Variants in KEL observed in about 807,000 individuals in gnomAD.
KEL encodes kell blood group glycoprotein.
A neutral mutation model predicts 99.5 loss-of-function variants in KEL; 96 were observed. The observed-to-expected ratio is 0.97, with a 90% CI of 0.82 to 1.14. KEL has a LOEUF of 1.14. KEL is among the 50% of genes most tolerant of loss of function. The pLI is 0.00. For synonymous variants in KEL, 355 were observed against 354.8 expected, an observed-to-expected ratio of 1.00 and a Z score of -0.01; for missense variants, 926 against 924.2, an observed-to-expected ratio of 1.00 and a Z score of -0.03.
At position 142,952,491 on chromosome 7, in the gene KEL, A is replaced by G. The variant is rs1347081449; in HGVS notation, c.1203+18T>C. On this transcript the variant is annotated intron_variant, in intron 10 of 18. Transcript: ENST00000355265. ...TCCTTTCGAGTATCTGGGCAAATACACCCGCTCCTCTCCTCACCATGGGTG... is the reference window on the plus strand; with the variant it reads ...TCCTTTCGAGTATCTGGGCAAATACGCCCGCTCCTCTCCTCACCATGGGTG... 12 of 1,613,038 alleles carry G rather than the reference A, an allele frequency of 7.4e-6. No individual in the cohort carries two copies. Among genetic ancestry groups the G allele is most frequent in the African/African-American group, 6.7e-5 (5 of 74,828 alleles).
chr7:142,946,638 A>T (rs1796538505), intron 10 of KEL: 1 of 391,114 alleles, frequency 2.6e-6, no homozygotes, highest in African/African-American at 2.0e-5. Context: ...CCAAACTCAT[A>T]CCTCGGCAGT....
chr7:142,952,586 C>T lies in KEL; in HGVS notation c.1126G>A (p.Ala376Thr), dbSNP rs1453706741. The T allele has an allele frequency of 6.2e-7, 1 of 1,614,126 alleles. No individual in the cohort carries two copies. The highest frequency in any genetic ancestry group is 8.5e-7 in the Non-Finnish European group (1 of 1,180,028). The change falls in exon 10 of 19, where the codon GCC becomes ACC. Residue 376 changes from alanine (A) to threonine (T), a missense_variant. Coordinates refer to ENST00000355265, the MANE Select transcript of KEL (RefSeq NM_000420.3). ...ILGLVVTLSP[A>T]LDSQFQEARR... Reference sequence around the variant, plus strand: ...GCCTCCTGGAATTGACTGTCCAGGGCTGGAGAAAGGGTCACCACCAGCCCT... The same window carrying T: ...GCCTCCTGGAATTGACTGTCCAGGGTTGGAGAAAGGGTCACCACCAGCCCT...
chr7:142,945,021 G>C (rs1796486469), intron 11 of KEL: 2 of 527,962 alleles, frequency 3.8e-6, no homozygotes. Context: ...ACAGGAGAAA[G>C]ACAGTGTCCT....
At position 142,943,822 on chromosome 7, in the gene KEL, C is replaced by A. The variant is rs912319416; in HGVS notation, c.1553G>T (p.Arg518Ile). 2 of 1,614,076 alleles carry A rather than the reference C, an allele frequency of 1.2e-6. No homozygotes were observed. Among genetic ancestry groups the A allele is most frequent in the Non-Finnish European group, 1.7e-6 (2 of 1,180,030 alleles). The change falls in exon 14 of 19, where the codon AGA becomes ATA. Residue 518 changes from arginine to isoleucine, a missense_variant. Physicochemically the swap from Arg to Ile is moderately conservative, Grantham distance 97. Coordinates refer to ENST00000355265, the MANE Select transcript of KEL (RefSeq NM_000420.3). ...AGGCTGCAAGAAGCTCTGGACAATTCTAGCTCGGAGGGACCGGACACAGCT... is the reference window on the plus strand; with the variant it reads ...AGGCTGCAAGAAGCTCTGGACAATTATAGCTCGGAGGGACCGGACACAGCT... ...VLSCVRSLRA[R>I]IVQSFLQPHP...
intron 6 of KEL, among the ~76,000 whole-genome samples, chr7:142,955,269 T>G (rs1796800573): frequency 6.6e-6 from 1 of 152,196 alleles, no homozygotes; most frequent in Admixed American, 6.5e-5. Flanking sequence ...AAAACTTTGC[T>G]TATCATGGAC....
rs974460196 is a variant in KEL at position 142,962,060 on chromosome 7, G to A, written c.3+144C>T. The A allele has an allele frequency of 1.1e-5, 17 of 1,610,168 alleles. No homozygotes were observed. In the African/African-American group the frequency reaches 1.7e-4, roughly 16 times the overall value. ...CTGTCCCCTGAATGTGCCATTTCTC[G>A]ATCCCTCTCCCATTACCTCCCTCTC... is the stretch of plus-strand genomic sequence containing the variant. On this transcript the variant is annotated intron_variant, in intron 1 of 18. Transcript: ENST00000355265.
At chr7:142,952,212 C>A (rs574306325) in intron 10 of KEL, among the ~76,000 whole-genome samples, 27 of 152,108 alleles carry the variant, frequency 1.8e-4, no homozygotes, top group Non-Finnish European at 3.2e-4. Flanking sequence ...AGCATCATGA[C>A]AAAGAAAGGG....
intron 5 of KEL, 46 bp from the exon 6 acceptor site, chr7:142,958,019 C>T (rs372263338): frequency 1.3e-6 from 2 of 1,599,638 alleles, no homozygotes; most frequent in East Asian, 2.3e-5. Context: ...CCGTGGAGCC[C>T]ATCCCCCATT....
At chr7:142,961,534 G>C (rs1409424077) in intron 2 of KEL, 33 bp from the exon 3 acceptor site, 1 of 1,573,208 alleles carries the variant, frequency 6.4e-7, no homozygotes. Flanking sequence ...AAAGATACAA[G>C]ATGGGGGTTG....
At chr7:142,955,970 G>A (rs1796820743) in intron 6 of KEL, among the ~76,000 whole-genome samples, 1 of 151,708 alleles carries the variant, frequency 6.6e-6, no homozygotes, top group Non-Finnish European at 1.5e-5. Context: ...TCTTTCCTTT[G>A]TGGCCCACCA....
intron 3 of KEL, 116 bp from the exon 4 acceptor site, chr7:142,961,220 TG>T (rs748289553): frequency 6.4e-5 from 96 of 1,511,072 alleles, no homozygotes; most frequent in Non-Finnish European, 7.1e-5. Flanking sequence ...GAAAAAGAAA[TG>T]GTTAGGATGC....
intron 9 of KEL, 29 bp downstream of exon 9, chr7:142,953,779 T>C: frequency 1.9e-6 from 3 of 1,613,376 alleles, no homozygotes; most frequent in Non-Finnish European, 2.5e-6. Context: ...TCCATTTCCA[T>C]GATCTCCCCA....
intron 9 of KEL, 131 bp from the exon 10 acceptor site, chr7:142,952,769 T>A: frequency 9.5e-7 from 1 of 1,050,270 alleles, no homozygotes; most frequent in African/African-American, 1.6e-5. Context: ...ATAAGTGTTT[T>A]AACATGCACC....
chr7:142,958,386 G>T lies in KEL; in HGVS notation c.443C>A (p.Ala148Asp). Residue 148 changes from alanine (A) to aspartate (D), a missense_variant, in exon 5 of 19, where the codon GCC (alanine) becomes GAC (aspartate). Physicochemically the swap from Ala to Asp is moderately radical, Grantham distance 126. Transcript: ENST00000355265. The part of the protein sequence containing the change: ...SWHPGSGEEK[A>D]FQFYNSCMDT... ...CATGCAGGAGTTGTAGAACTGGAAG[G>T]CTTTCTCCTCCCCAGAGCCTGGGTG... 1 of 1,614,150 alleles carries T rather than the reference G, an allele frequency of 6.2e-7. No homozygotes were observed. Among genetic ancestry groups the T allele is most frequent in the East Asian group, 2.2e-5 (1 of 44,880 alleles).
At chr7:142,946,586 C>T (rs1338535960) in intron 10 of KEL, 1 of 524,614 alleles carries the variant, frequency 1.9e-6, no homozygotes. Context: ...TAGGAGGCAT[C>T]ATCCTGGGGT....
At chr7:142,942,385 C>G in intron 18 of KEL, 49 bp downstream of exon 18, 2 of 1,283,158 alleles carry the variant, frequency 1.6e-6, no homozygotes, top group African/African-American at 2.9e-5. Context: ...AGTAATAAGG[C>G]GTTCAACTGA....
intron 6 of KEL, among the ~76,000 whole-genome samples, chr7:142,954,801 G>T (rs1796788271): frequency 6.6e-6 from 1 of 152,140 alleles, no homozygotes; most frequent in Non-Finnish European, 1.5e-5. Context: ...ATCTTAAAAG[G>T]AGCTATTCCT....
At position 142,943,783 on chromosome 7, in the gene KEL, C is replaced by T; in HGVS notation, c.1592G>A (p.Arg531Lys). The T allele has an allele frequency of 6.2e-7, 1 of 1,613,456 alleles. No individual in the cohort carries two copies. Among genetic ancestry groups the T allele is most frequent in the Non-Finnish European group, 8.5e-7 (1 of 1,179,392 alleles). The change falls in exon 14 of 19, where the codon AGG (arginine) becomes AAG (lysine). Residue 531 changes from arginine to lysine, a missense_variant and splice_region_variant. Arg to Lys is a conservative substitution (Grantham distance 26). Transcript: ENST00000355265. ...GCCTGTGTCTCCCCTGCTGTCATAC[C>T]TGTGTTGGGGGTGAGGCTGCAAGAA... ...QSFLQPHPQH[R>K]WKVSPWDVNA...
Position 142,962,316 on chromosome 7 carries a change from AG to A in KEL, c.-111del, listed in dbSNP as rs1796980029. ...CGCCCCAGTTCCTTGATCCTGGAGA[AG>A]GGGCACTTCTGCTGCTCTTTCGCCT... On this transcript the variant is annotated 5_prime_UTR_variant, in exon 1 of 19. Transcript: ENST00000355265. 5.6e-6 allele frequency: 7 copies of A among 1,258,246 alleles called. No individual in the cohort carries two copies. Among genetic ancestry groups the A allele is most frequent in the Non-Finnish European group, 8.2e-6 (7 of 857,604 alleles). 77.9% of individuals were successfully genotyped at this position (1,258,246 alleles called of 1,614,324 possible).
Sources: gnomAD v4.1 joint callset for allele counts (sites outside exome capture counted in the v4.1 genomes callset) on GRCh38, gnomAD v4.1.1 for gene constraint, MANE v1.5 for transcripts, NCBI Gene and HGNC (gene_info 2026-07-23, HGNC 2026-07-21) for gene names.